STXBP5L: variants seen among roughly 807,000 people sequenced by gnomAD.
The protein encoded by STXBP5L is syntaxin binding protein 5L, also known as syntaxin-binding protein 5-like.
In STXBP5L, 65 loss-of-function variants were observed where a neutral mutation model predicts 144.5. The ratio of observed to expected loss-of-function variants is 0.45; its 90% CI spans 0.37 to 0.55. The LOEUF (loss-of-function observed/expected upper bound fraction) is 0.55. Ranked by LOEUF, STXBP5L falls within the 20% of genes least tolerant of loss-of-function variation. The probability of loss-of-function intolerance (pLI) is 0.00; values close to 1 mark genes in which losing one functional copy is unlikely to be tolerated. For synonymous variants in STXBP5L, 505 were observed against 469.6 expected (o/e 1.08, Z -0.97); for missense variants, 1,298 against 1,405.5 (o/e 0.92, Z 1.22).
intron 5 of STXBP5L, among the ~76,000 whole-genome samples, chr3:121,092,113 C>A (rs984047624): frequency 2.6e-5 from 4 of 152,046 alleles, no homozygotes; most frequent in Non-Finnish European, 5.9e-5. Context: ...TCTGAGGGCT[C>A]TGTTCTATTG....
chr3:121,260,913 G>A (rs900614195), intron 18 of STXBP5L, among the ~76,000 whole-genome samples: 1 of 152,136 alleles, frequency 6.6e-6, no homozygotes, highest in African/African-American at 2.4e-5. Flanking sequence ...TATTTGATGG[G>A]AAAGCTGGCA....
At chr3:121,008,630 T>C (rs1944533314) in intron 3 of STXBP5L, among the ~76,000 whole-genome samples, 1 of 152,044 alleles carries the variant, frequency 6.6e-6, no homozygotes, top group Non-Finnish European at 1.5e-5. Context: ...GCTGGTTCCT[T>C]ACAATGGTTT....
At chr3:121,139,496 A>G (rs894654537) in intron 7 of STXBP5L, among the ~76,000 whole-genome samples, 1 of 152,128 alleles carries the variant, frequency 6.6e-6, no homozygotes, top group Non-Finnish European at 1.5e-5. Flanking sequence ...GCTTGTAAGT[A>G]TCAGAATTAG....
At chr3:121,151,394 G>A (rs1277154825) in intron 7 of STXBP5L, among the ~76,000 whole-genome samples, 1 of 152,046 alleles carries the variant, frequency 6.6e-6, no homozygotes, top group African/African-American at 2.4e-5. Context: ...AATGTATATT[G>A]CTTTAATGAA....
chr3:121,286,150 G>C (rs942102251), intron 19 of STXBP5L, among the ~76,000 whole-genome samples: 1 of 152,044 alleles, frequency 6.6e-6, no homozygotes, highest in African/African-American at 2.4e-5. Flanking sequence ...ATGCAACAAG[G>C]GATCCTTTGG....
chr3:120,978,632 A>G (rs1244908951), intron 3 of STXBP5L, among the ~76,000 whole-genome samples: 2 of 151,176 alleles, frequency 1.3e-5, no homozygotes, highest in Non-Finnish European at 2.9e-5. Flanking sequence ...TGCTTTTTAG[A>G]GTTTCCAGTT....
intron 22 of STXBP5L, among the ~76,000 whole-genome samples, chr3:121,406,797 ATTAT>A (rs1442267272): frequency 6.6e-6 from 1 of 152,004 alleles, no homozygotes; most frequent in Admixed American, 6.6e-5. Flanking sequence ...AGATTGTGTG[ATTAT>A]TTTTCAGTTG....
At chr3:120,909,402 A>G (rs953707312) in intron 1 of STXBP5L, among the ~76,000 whole-genome samples, 169 bp from the exon 2 acceptor site, 1 of 152,178 alleles carries the variant, frequency 6.6e-6, no homozygotes, top group Non-Finnish European at 1.5e-5. Flanking sequence ...GCTTTTTAGA[A>G]TTAAAATTTG....
chr3:121,278,747 C>A (rs985305217), intron 18 of STXBP5L, among the ~76,000 whole-genome samples: 4 of 151,936 alleles, frequency 2.6e-5, no homozygotes, highest in South Asian at 4.1e-4. Flanking sequence ...AAGCAAGATT[C>A]ATTAATTTTT....
At chr3:120,962,349 C>A (rs1247064286) in intron 3 of STXBP5L, among the ~76,000 whole-genome samples, 1 of 152,158 alleles carries the variant, frequency 6.6e-6, no homozygotes, top group East Asian at 1.9e-4. Context: ...GAATTCCTTG[C>A]CCATGCCTAT....
rs1941573972 is a variant in STXBP5L at position 120,979,964 on chromosome 3, A to T, written c.287+24927A>T. On this transcript the variant is annotated intron_variant, in intron 3 of 26. Transcript: ENST00000471454. ...TCAAAAAAATTTAAATTCCTAGCCT[A>T]ATTTCATTATTGATGCAACAATCTT... Among the ~76,000 whole-genome samples the T allele has an allele frequency of 2.6e-5, 4 of 152,168 alleles. No homozygotes were observed. In the South Asian group the frequency reaches 8.3e-4, roughly 32 times the overall value.
chr3:120,943,811 TTTCTTC>T (rs916990315), intron 2 of STXBP5L, among the ~76,000 whole-genome samples: 1 of 151,464 alleles, frequency 6.6e-6, no homozygotes, highest in Non-Finnish European at 1.5e-5. Context: ...AAACAACTGT[TTTCTTC>T]TTCTTCTTCT....
At chr3:121,045,590 G>T in intron 5 of STXBP5L, 55 bp downstream of exon 5, 1 of 1,515,788 alleles carries the variant, frequency 6.6e-7, no homozygotes, top group Admixed American at 1.9e-5. Context: ...TATTTCCTGA[G>T]CAAGTTTTTG....
chr3:121,036,295 T>A (rs1164727237), intron 3 of STXBP5L, among the ~76,000 whole-genome samples: 1 of 152,176 alleles, frequency 6.6e-6, no homozygotes. Flanking sequence ...ATTGAGCCAC[T>A]GTACTCCAGC....
chr3:120,993,456 C>A (rs1943086578), intron 3 of STXBP5L, among the ~76,000 whole-genome samples: 1 of 152,022 alleles, frequency 6.6e-6, no homozygotes, highest in South Asian at 2.1e-4. Context: ...ATGTTTAAGG[C>A]TTTAAGCATT....
chr3:121,381,627 G>A (rs771585308), intron 22 of STXBP5L, 95 bp downstream of exon 22: 1 of 1,487,576 alleles, frequency 6.7e-7, no homozygotes, highest in East Asian at 2.4e-5. Context: ...TTGGAGCAAA[G>A]GTTATAAGTA....
intron 8 of STXBP5L, among the ~76,000 whole-genome samples, chr3:121,156,536 T>G (rs986379016): frequency 1.3e-5 from 2 of 151,902 alleles, no homozygotes; most frequent in Non-Finnish European, 2.9e-5. Context: ...GGTGTGGAAA[T>G]GCATATGACA....
intron 20 of STXBP5L, among the ~76,000 whole-genome samples, chr3:121,332,899 C>G (rs1001218827): frequency 2.0e-5 from 3 of 151,436 alleles, no homozygotes; most frequent in Non-Finnish European, 4.4e-5. Context: ...TACAGGAAAA[C>G]CAGAAGGGAT....
At chr3:121,110,709 G>A (rs1433627813) in intron 5 of STXBP5L, among the ~76,000 whole-genome samples, 1 of 152,014 alleles carries the variant, frequency 6.6e-6, no homozygotes, top group Non-Finnish European at 1.5e-5. Context: ...GTGCCTTGGG[G>A]GTTGATCTTC....
Sources: allele counts gnomAD v4.1 joint callset (sites outside exome capture counted in the v4.1 genomes callset), GRCh38; gene constraint gnomAD v4.1.1; transcripts MANE v1.5; gene names NCBI Gene and HGNC (gene_info 2026-07-23, HGNC 2026-07-21).